C7: variants seen among roughly 807,000 people sequenced by gnomAD.
C7 encodes complement component C7.
A neutral mutation model predicts 104.8 loss-of-function variants in C7; 83 were observed. The observed-to-expected ratio is 0.79, with a 90% CI of 0.66 to 0.95. C7 has a LOEUF of 0.95. C7 is among the 40% of genes least tolerant of loss of function. C7 has a pLI of 0.00. For missense variants in C7, 1,070 were observed against 1,011.2 expected (o/e 1.06, Z -0.79); for synonymous variants, 415 against 360.6 (o/e 1.15, Z -1.71).
chr5:40,957,148 T>A (rs1393294437), intron 10 of C7, among the ~76,000 whole-genome samples: 1 of 152,186 alleles, frequency 6.6e-6, no homozygotes, highest in African/African-American at 2.4e-5. Flanking sequence ...GGTGGCAGCC[T>A]GAAATTGGCT....
intron 10 of C7, 91 bp downstream of exon 10, chr5:40,955,644 A>G: frequency 1.8e-6 from 2 of 1,138,572 alleles, no homozygotes; most frequent in Non-Finnish European, 2.5e-6. Flanking sequence ...GGTTAAACAG[A>G]CATGGCTGTA....
intron 15 of C7, among the ~76,000 whole-genome samples, chr5:40,974,062 G>A (rs546557321): frequency 3.3e-5 from 5 of 151,826 alleles, no homozygotes; most frequent in Non-Finnish European, 7.4e-5. Flanking sequence ...TTATAATAAA[G>A]CATACATAAC....
intron 16 of C7, among the ~76,000 whole-genome samples, chr5:40,979,290 G>A (rs1740886548): frequency 6.6e-6 from 1 of 152,108 alleles, no homozygotes; most frequent in South Asian, 2.1e-4. Flanking sequence ...GCAGTTTTAT[G>A]GACATGAACT....
At chr5:40,910,136 A>G (rs1579830675) in intron 1 of C7, among the ~76,000 whole-genome samples, 1 of 152,100 alleles carries the variant, frequency 6.6e-6, no homozygotes, top group African/African-American at 2.4e-5. Context: ...ATATGAGTAG[A>G]TGGAATAAAA....
At chr5:40,952,478 T>TTTTATTTA (rs147016821) in intron 9 of C7, among the ~76,000 whole-genome samples, 8,550 of 149,290 alleles carry the variant, frequency 0.057, 322 homozygotes, top group Non-Finnish European at 0.073. Context: ...CTGTAATTCT[T>TTTTATTTA]TTTATTTATT....
intron 1 of C7, among the ~76,000 whole-genome samples, chr5:40,924,596 G>C (rs1739513656): frequency 6.6e-6 from 1 of 152,152 alleles, no homozygotes; most frequent in Admixed American, 6.5e-5. Context: ...GAGGTTCCCT[G>C]TGAGGGCTCC....
At chr5:40,959,390 C>T in intron 11 of C7, 59 bp from the exon 12 acceptor site, 1 of 1,465,420 alleles carries the variant, frequency 6.8e-7, no homozygotes, top group Non-Finnish European at 9.3e-7. Context: ...GGAAGCATAG[C>T]ACTAAGTTCC....
chr5:40,962,242 T>C, intron 13 of C7, 70 bp downstream of exon 13: 2 of 899,720 alleles, frequency 2.2e-6, no homozygotes, highest in Non-Finnish European at 3.3e-6. Flanking sequence ...GCCCATAACC[T>C]ATTTTCTTCC....
At chr5:40,929,676 T>C (rs1739637046) in intron 2 of C7, among the ~76,000 whole-genome samples, 1 of 152,218 alleles carries the variant, frequency 6.6e-6, no homozygotes, top group South Asian at 2.1e-4. Context: ...CCTTAGTCTC[T>C]TAAAGCTGAC....
At chr5:40,922,417 G>C (rs1214892397) in intron 1 of C7, among the ~76,000 whole-genome samples, 1 of 145,648 alleles carries the variant, frequency 6.9e-6, no homozygotes, top group African/African-American at 2.5e-5. Context: ...ACATACACTC[G>C]GGGCTTGGGC....
chr5:40,942,354 A>G (rs1739958361), intron 6 of C7, among the ~76,000 whole-genome samples: 1 of 152,230 alleles, frequency 6.6e-6, no homozygotes, highest in South Asian at 2.1e-4. Context: ...CAATCCATCT[A>G]ATCCACCCTT....
chr5:40,980,919 C>T (rs1415525067), intron 17 of C7, among the ~76,000 whole-genome samples: 1 of 152,226 alleles, frequency 6.6e-6, no homozygotes, highest in Non-Finnish European at 1.5e-5. Flanking sequence ...ACTTTCCATG[C>T]ACAGACTCCT....
chr5:40,928,697 T>C, intron 2 of C7, 62 bp downstream of exon 2: 1 of 1,029,804 alleles, frequency 9.7e-7, no homozygotes, highest in Non-Finnish European at 1.5e-6. Context: ...TAGTAATTCT[T>C]TAGTCTAATT....
intron 4 of C7, 116 bp downstream of exon 4, chr5:40,934,582 T>TC (rs1739775204): frequency 1.0e-6 from 1 of 998,824 alleles, no homozygotes; most frequent in Admixed American, 2.1e-5. Flanking sequence ...TAAAGTTAAT[T>TC]CCCCCAAATA....
At chr5:40,919,325 A>G (rs1223905916) in intron 1 of C7, among the ~76,000 whole-genome samples, 1 of 152,044 alleles carries the variant, frequency 6.6e-6, no homozygotes, top group Non-Finnish European at 1.5e-5. Context: ...GGGTTTCACC[A>G]TGTTGGCCAG....
intron 17 of C7, among the ~76,000 whole-genome samples, chr5:40,980,523 C>G (rs1740920028): frequency 6.6e-6 from 1 of 152,214 alleles, no homozygotes; most frequent in African/African-American, 2.4e-5. Context: ...TCAATATTTG[C>G]TAACACTATG....
intron 1 of C7, among the ~76,000 whole-genome samples, chr5:40,911,737 TTTC>T (rs1347341978): frequency 1.6e-3 from 231 of 143,514 alleles, no homozygotes; most frequent in African/African-American, 5.5e-3. Context: ...TTTTTCTTTC[TTTC>T]TTTTTTTTTT....
rs1191962833 is a variant in C7 at position 40,953,359 on chromosome 5, TCGA to T, written c.1094-2026_1094-2024del. On this transcript the variant is annotated intron_variant, in intron 9 of 17. Coordinates refer to ENST00000313164, the MANE Select transcript of C7 (RefSeq NM_000587.4). ...CTGTAGTTAGGTAAAAGGAATAAAT[TCGA>T]CTAGGCGTGGTGGCTCAGGCCTGTA... Among the ~76,000 whole-genome samples the T allele has an allele frequency of 5.3e-5, 8 of 152,046 alleles. No individual in the cohort carries two copies. The East Asian group carries it at 1.5e-3, about 29-fold the overall frequency.
At position 40,983,623 on chromosome 5, in the gene C7, C is replaced by G. The variant is rs2111742865; in HGVS notation, c.*2050C>G. Among the ~76,000 whole-genome samples the G allele has an allele frequency of 6.6e-6, 1 of 152,258 alleles. No individual in the cohort carries two copies. The highest frequency in any genetic ancestry group is 3.4e-3 in the Middle Eastern group (1 of 294). On this transcript the variant is annotated 3_prime_UTR_variant, in exon 18 of 18. Coordinates refer to ENST00000313164, the MANE Select transcript of C7 (RefSeq NM_000587.4). ...TTTCCTCTAGTCCAACAGAGGCATT[C>G]ACAATTGCCTGTGGAGAATTAGGAT... is the stretch of plus-strand genomic sequence containing the variant.
Sources: gnomAD v4.1 joint callset for allele counts (sites outside exome capture counted in the v4.1 genomes callset) on GRCh38, gnomAD v4.1.1 for gene constraint, MANE v1.5 for transcripts, NCBI Gene and HGNC (gene_info 2026-07-23, HGNC 2026-07-21) for gene names.